TMEM114: variants seen among roughly 807,000 people sequenced by gnomAD.
TMEM114 encodes transmembrane protein 114.
Under a neutral mutation model 6.2 loss-of-function variants are expected in TMEM114, and 6 were observed. That is an observed-to-expected ratio of 0.97 (90% CI 0.53 to 1.91). The LOEUF is 1.91. TMEM114 is among the 40% of genes most tolerant of loss of function. The pLI is 0.01. For missense variants in TMEM114, 218 were observed against 158.3 expected (o/e 1.38, Z -2.02); for synonymous variants, 104 against 73.0 (o/e 1.42, Z -2.16).
At chr16:8,549,131 G>C (rs538520378) in intron 2 of TMEM114, among the ~76,000 whole-genome samples, 1 of 139,118 alleles carries the variant, frequency 7.2e-6, no homozygotes, top group South Asian at 2.2e-4. Flanking sequence ...GCAGTGAGCC[G>C]AGATCGTACC....
intron 2 of TMEM114, among the ~76,000 whole-genome samples, chr16:8,542,927 G>T (rs539463620): frequency 5.9e-5 from 9 of 152,184 alleles, no homozygotes; most frequent in African/African-American, 2.2e-4. Flanking sequence ...ACAAACTGCC[G>T]CTTATCATCT....
intron 2 of TMEM114, among the ~76,000 whole-genome samples, chr16:8,560,832 C>G (rs924599154): frequency 2.0e-5 from 3 of 152,162 alleles, no homozygotes; most frequent in Non-Finnish European, 4.4e-5. Context: ...GTGTATTAGT[C>G]TGTTCTCCAC....
At chr16:8,551,624 A>G (rs1420329958) in intron 2 of TMEM114, among the ~76,000 whole-genome samples, 1 of 152,258 alleles carries the variant, frequency 6.6e-6, no homozygotes, top group Non-Finnish European at 1.5e-5. Context: ...TTTGACAAGA[A>G]ACATTGACTT....
intron 2 of TMEM114, among the ~76,000 whole-genome samples, chr16:8,538,634 A>C (rs940205969): frequency 2.6e-5 from 4 of 151,906 alleles, no homozygotes; most frequent in Admixed American, 6.6e-5. Context: ...CAGCCTCCCC[A>C]GCAGCTGCGA....
At chr16:8,571,170 T>A (rs931758355) in intron 3 of TMEM114, among the ~76,000 whole-genome samples, 1 of 152,056 alleles carries the variant, frequency 6.6e-6, no homozygotes, top group African/African-American at 2.4e-5. Context: ...CAGACAGCCT[T>A]TAAGGCAGCC....
intron 2 of TMEM114, among the ~76,000 whole-genome samples, chr16:8,540,641 T>A (rs1900491593): frequency 1.3e-5 from 2 of 152,202 alleles, no homozygotes; most frequent in Admixed American, 6.5e-5. Context: ...TGAACCAATT[T>A]TTATTGACCA....
rs139659872 is a variant in TMEM114 at position 8,539,136 on chromosome 16, C to A, written n.213-1310G>T. 6.3e-4 allele frequency among the ~76,000 whole-genome samples: 96 copies of A among 152,214 alleles called. 1 individual carries two copies. The highest frequency in any genetic ancestry group is 2.5e-3 in the Admixed American group (38 of 15,298). ...TTTGGGTGTTCGGTCACAATCTGGG[C>A]ATTGCCATGGAACATGTGACCCATA... On this transcript the variant is annotated intron_variant and non_coding_transcript_variant, in intron 2 of 2. Coordinates refer to the TMEM114 transcript ENST00000623677.
intron 2 of TMEM114, among the ~76,000 whole-genome samples, chr16:8,563,711 G>GAGTGAGTGAATGAGTC (rs1262151197): frequency 1.3e-5 from 2 of 148,624 alleles, no homozygotes; most frequent in Non-Finnish European, 2.9e-5. Flanking sequence ...GTGAATGAGT[G>GAGTGAGTGAATGAGTC]AGTGAGTGAA....
chr16:8,571,224 A>C (rs1901724434), intron 3 of TMEM114, among the ~76,000 whole-genome samples: 1 of 152,112 alleles, frequency 6.6e-6, no homozygotes, highest in African/African-American at 2.4e-5. Flanking sequence ...TGGTCCACTA[A>C]ACCAACCAGT....
At chr16:8,534,747 G>C (rs969520362), downstream of TMEM114, among the ~76,000 whole-genome samples, 4 of 152,180 alleles carry the variant, frequency 2.6e-5, no homozygotes, top group Admixed American at 1.3e-4. Flanking sequence ...TTGGCACATG[G>C]TCAACATTGA....
At chr16:8,528,660 A>G in the TMEM114 span, among the ~76,000 whole-genome samples, 1 of 152,222 alleles carries the variant, frequency 6.6e-6, no homozygotes, top group African/African-American at 2.4e-5. Flanking sequence ...TTGGTGGTAA[A>G]TCTGCATTGT....
intron 2 of TMEM114, among the ~76,000 whole-genome samples, chr16:8,560,447 C>G (rs1244561944): frequency 1.3e-5 from 2 of 152,114 alleles, no homozygotes; most frequent in African/African-American, 4.8e-5. Flanking sequence ...AGTGCTTGGC[C>G]ATGTTAACAA....
intron 2 of TMEM114, among the ~76,000 whole-genome samples, chr16:8,559,623 G>C (rs992178800): frequency 6.6e-6 from 1 of 152,166 alleles, no homozygotes; most frequent in Admixed American, 6.6e-5. Flanking sequence ...TTCTCTTGTG[G>C]GCTCTGAGTA....
At chr16:8,572,966 T>C (rs965123592) in intron 2 of TMEM114, among the ~76,000 whole-genome samples, 6 of 152,226 alleles carry the variant, frequency 3.9e-5, no homozygotes, top group African/African-American at 1.4e-4. Context: ...TTGGAAGTTA[T>C]CCTTCTCCCA....
intron 2 of TMEM114, among the ~76,000 whole-genome samples, chr16:8,577,875 G>A (rs535976914): frequency 9.9e-5 from 15 of 152,096 alleles, no homozygotes; most frequent in African/African-American, 3.1e-4. Flanking sequence ...GCATGCCACC[G>A]GCAGTGTTTT....
chr16:8,563,005 TGAATGAATGAGTGAGTGAGG>T (rs1450783248), intron 2 of TMEM114, among the ~76,000 whole-genome samples: 7 of 132,158 alleles, frequency 5.3e-5, no homozygotes, highest in African/African-American at 2.0e-4. Flanking sequence ...AATGAGTGAG[TGAATGAATGAGTGAGTGAGG>T]GAATGAGTGA....
chr16:8,563,621 ATGAG>A (rs1396472475), intron 2 of TMEM114, among the ~76,000 whole-genome samples: 1 of 146,686 alleles, frequency 6.8e-6, no homozygotes, highest in Non-Finnish European at 1.5e-5. Context: ...GAGTGACTGA[ATGAG>A]TGAGTGAATG....
intron 3 of TMEM114, among the ~76,000 whole-genome samples, chr16:8,570,719 C>G (rs1163722321): frequency 6.6e-6 from 1 of 152,132 alleles, no homozygotes; most frequent in African/African-American, 2.4e-5. Context: ...TCCCCAGCAC[C>G]GAGAACGGTG....
Position 8,575,474 on chromosome 16 carries a change from A to G in TMEM114, c.302-3250T>C, listed in dbSNP as rs143881389. Among the ~76,000 whole-genome samples, 874 of 152,310 alleles carry G rather than the reference A, an allele frequency of 5.7e-3. 9 individuals are homozygous for G. Among genetic ancestry groups the G allele is most frequent in the African/African-American group, 0.02 (833 of 41,556 alleles). On this transcript the variant is annotated intron_variant, in intron 2 of 3. Coordinates refer to ENST00000620492, the MANE Select transcript of TMEM114 (RefSeq NM_001146336.2). Reference sequence around the variant, plus strand: ...CTGTATTAAATTATCTACCATGACCATAGGTGTCTACAGGGACCAGGCAGG... The same window carrying G: ...CTGTATTAAATTATCTACCATGACCGTAGGTGTCTACAGGGACCAGGCAGG...
Sources: gnomAD v4.1 joint callset for allele counts (sites outside exome capture counted in the v4.1 genomes callset) on GRCh38, gnomAD v4.1.1 for gene constraint, MANE v1.5 for transcripts, NCBI Gene and HGNC (gene_info 2026-07-23, HGNC 2026-07-21) for gene names.